The following TENM4 variants were observed in gnomAD, a reference collection of about 807,000 sequenced individuals.
TENM4 encodes the protein teneurin-4.
Under a neutral mutation model 243.3 loss-of-function variants are expected in TENM4, and 82 were observed. The observed-to-expected ratio is 0.34, with a 90% CI of 0.28 to 0.40. The LOEUF is 0.40. Among genes scored for constraint, TENM4 ranks in the 10% least tolerant of loss-of-function variants. The pLI, the probability that TENM4 is intolerant of heterozygous loss-of-function variation, is 1.00. For synonymous variants in TENM4, 1,412 were observed against 1,456.3 expected, an observed-to-expected ratio of 0.97 and a Z score of 0.69; for missense variants, 3,138 against 3,673.3, an observed-to-expected ratio of 0.85 and a Z score of 3.77.
intron 2 of TENM4, among the ~76,000 whole-genome samples, chr11:79,272,127 C>T (rs1380280724): frequency 6.6e-6 from 1 of 152,130 alleles, no homozygotes; most frequent in Non-Finnish European, 1.5e-5. Context: ...TTTTCCACCT[C>T]CCACATCCCA....
chr11:78,853,037 G>A (rs770878665), intron 12 of TENM4, among the ~76,000 whole-genome samples: 8 of 151,556 alleles, frequency 5.3e-5, no homozygotes, highest in Non-Finnish European at 8.8e-5. Context: ...TATAGTATGA[G>A]CCACCACACC....
chr11:79,053,487 C>T (rs1859855681), intron 6 of TENM4, among the ~76,000 whole-genome samples: 1 of 152,226 alleles, frequency 6.6e-6, no homozygotes, highest in Non-Finnish European at 1.5e-5. Flanking sequence ...AGAACCATCT[C>T]CTGCTATGAT....
At position 79,255,509 on chromosome 11, in the gene TENM4, C is replaced by A. The variant is rs146006437; in HGVS notation, c.-264-39600G>T. On this transcript the variant is annotated intron_variant, in intron 2 of 33. Coordinates refer to ENST00000278550, the MANE Select transcript of TENM4 (RefSeq NM_001098816.3). ...ATTTCACCAGTTAGTGATATCTGAACAATAAAGATTCATTTGACTTTATTA... is the reference window on the plus strand; with the variant it reads ...ATTTCACCAGTTAGTGATATCTGAAAAATAAAGATTCATTTGACTTTATTA... 3.3e-5 allele frequency among the ~76,000 whole-genome samples: 5 copies of A among 152,292 alleles called. No homozygotes were observed. The East Asian group carries it at 7.7e-4, about 24-fold the overall frequency.
At chr11:79,138,131 A>G (rs913876569) in intron 4 of TENM4, among the ~76,000 whole-genome samples, 1 of 150,622 alleles carries the variant, frequency 6.6e-6, no homozygotes, top group African/African-American at 2.4e-5. Flanking sequence ...GTAAAAAGAG[A>G]GACTGGCCTA....
chr11:79,064,430 G>A (rs1860184747), intron 6 of TENM4, among the ~76,000 whole-genome samples: 1 of 152,084 alleles, frequency 6.6e-6, no homozygotes, highest in South Asian at 2.1e-4. Flanking sequence ...AAACTATGGG[G>A]AATCTGTTAC....
At chr11:79,158,601 G>T (rs989466753) in intron 3 of TENM4, among the ~76,000 whole-genome samples, 1 of 152,222 alleles carries the variant, frequency 6.6e-6, no homozygotes, top group African/African-American at 2.4e-5. Flanking sequence ...AATGGGGAAG[G>T]TGAGTAGAAT....
chr11:79,121,611 G>C (rs1861747016), intron 4 of TENM4, among the ~76,000 whole-genome samples: 1 of 152,180 alleles, frequency 6.6e-6, no homozygotes, highest in Non-Finnish European at 1.5e-5. Flanking sequence ...GGAAGCCCTA[G>C]GAATGAGGGC....
intron 6 of TENM4, among the ~76,000 whole-genome samples, chr11:78,975,342 A>C (rs76413987): frequency 0.1 from 15,745 of 151,990 alleles, 2,275 homozygotes; most frequent in African/African-American, 0.31. Context: ...GCTGATGGAA[A>C]GGCCAGTTTC....
intron 1 of TENM4, among the ~76,000 whole-genome samples, chr11:79,362,749 T>C (rs528003924): frequency 3.3e-5 from 5 of 152,334 alleles, no homozygotes; most frequent in African/African-American, 1.2e-4. Flanking sequence ...TCTCAACCTC[T>C]CTGAACCTGT....
chr11:78,961,698 C>T (rs1857325319), intron 6 of TENM4, among the ~76,000 whole-genome samples: 1 of 152,072 alleles, frequency 6.6e-6, no homozygotes, highest in South Asian at 2.1e-4. Flanking sequence ...CACTAAAATA[C>T]TGAGTCTCTG....
At chr11:79,437,341 C>G (rs932181776) in intron 1 of TENM4, among the ~76,000 whole-genome samples, 2 of 152,228 alleles carry the variant, frequency 1.3e-5, no homozygotes, top group African/African-American at 4.8e-5. Flanking sequence ...AGGGCTCCCC[C>G]GCTGAAAGCC....
chr11:79,182,329 A>G (rs1470196329), intron 3 of TENM4, among the ~76,000 whole-genome samples: 1 of 152,164 alleles, frequency 6.6e-6, no homozygotes, highest in East Asian at 1.9e-4. Context: ...AGCAAAGGCA[A>G]TTTAATGGCA....
chr11:78,776,699 A>G (rs374903589), intron 17 of TENM4, among the ~76,000 whole-genome samples: 120 of 152,276 alleles, frequency 7.9e-4, no homozygotes, highest in Admixed American at 1.3e-3. Context: ...GCCAAGAAAC[A>G]TTTGCCTTTT....
intron 6 of TENM4, among the ~76,000 whole-genome samples, chr11:79,055,355 C>T (rs1445767788): frequency 6.6e-6 from 1 of 152,036 alleles, no homozygotes; most frequent in Non-Finnish European, 1.5e-5. Context: ...GATCCTCCCA[C>T]CTCAGCTTCC....
intron 2 of TENM4, among the ~76,000 whole-genome samples, chr11:79,227,185 C>T (rs570163348): frequency 6.6e-6 from 1 of 152,156 alleles, no homozygotes; most frequent in Non-Finnish European, 1.5e-5. Context: ...TGACAGTCAC[C>T]CTACAAAATG....
intron 1 of TENM4, among the ~76,000 whole-genome samples, chr11:79,348,873 T>G (rs1022880557): frequency 3.3e-5 from 5 of 152,226 alleles, no homozygotes; most frequent in Admixed American, 6.5e-5. Flanking sequence ...ATCTTACAGA[T>G]TTAAAATTAG....
intron 28 of TENM4, among the ~76,000 whole-genome samples, chr11:78,690,685 A>C (rs1858797397): frequency 6.6e-6 from 1 of 152,160 alleles, no homozygotes; most frequent in Non-Finnish European, 1.5e-5. Context: ...TGAGCTAAAA[A>C]TCAAGACCCC....
At chr11:79,124,308 C>T (rs935436513) in intron 4 of TENM4, among the ~76,000 whole-genome samples, 17 of 152,100 alleles carry the variant, frequency 1.1e-4, no homozygotes, top group African/African-American at 4.1e-4. Flanking sequence ...ACATTTGAGT[C>T]AGTGGGCTGG....
chr11:78,933,996 G>C (rs1436234205), intron 6 of TENM4, among the ~76,000 whole-genome samples: 1 of 152,046 alleles, frequency 6.6e-6, no homozygotes, highest in African/African-American at 2.4e-5. Context: ...CTAGCACAAG[G>C]GTGCACTGGG....
Sources: gnomAD v4.1 joint callset for allele counts (sites outside exome capture counted in the v4.1 genomes callset) on GRCh38, gnomAD v4.1.1 for gene constraint, MANE v1.5 for transcripts, NCBI Gene and HGNC (gene_info 2026-07-23, HGNC 2026-07-21) for gene names.